Variants in GALNT13 observed in about 807,000 individuals in gnomAD.
The protein encoded by GALNT13 is UDP-GalNAc:polypeptide N-acetylgalactosaminyltransferase 13.
Under a neutral mutation model 64.2 loss-of-function variants are expected in GALNT13, and 28 were observed. The ratio of observed to expected loss-of-function variants is 0.44; its 90% CI spans 0.32 to 0.60. The LOEUF (loss-of-function observed/expected upper bound fraction) is 0.60, where lower values mean the gene tolerates loss of function less well. GALNT13 is among the 20% of genes least tolerant of loss of function. The pLI is 0.05. For missense variants in GALNT13, 577 were observed against 669.8 expected, an observed-to-expected ratio of 0.86 and a Z score of 1.53; for synonymous variants, 214 against 224.6, an observed-to-expected ratio of 0.95 and a Z score of 0.42.
chr2:153,478,529 C>T, the GALNT13 span: 1 of 1,605,312 alleles, frequency 6.2e-7, no homozygotes, highest in African/African-American at 1.3e-5. Flanking sequence ...AGGAACAGGC[C>T]CGCCACGTCC....
intron 4 of GALNT13, among the ~76,000 whole-genome samples, chr2:154,231,869 A>G (rs1046683233): frequency 6.6e-6 from 1 of 151,628 alleles, no homozygotes; most frequent in African/African-American, 2.4e-5. Context: ...CAAATAAGAA[A>G]ATTATGGCTA....
At chr2:154,123,993 A>C (rs1419050671) in intron 3 of GALNT13, among the ~76,000 whole-genome samples, 1 of 152,052 alleles carries the variant, frequency 6.6e-6, no homozygotes, top group African/African-American at 2.4e-5. Context: ...CAAACAAAAA[A>C]TATTTTTTAT....
chr2:154,123,158 G>A (rs914956131), intron 3 of GALNT13, among the ~76,000 whole-genome samples: 1 of 151,976 alleles, frequency 6.6e-6, no homozygotes, highest in Non-Finnish European at 1.5e-5. Flanking sequence ...TAGCAGACTT[G>A]TCCATAAGAA....
chr2:153,284,960 T>G, the GALNT13 span, among the ~76,000 whole-genome samples: 1 of 152,044 alleles, frequency 6.6e-6, no homozygotes. Flanking sequence ...CATATGTGCA[T>G]TCATGTACAT....
At chr2:153,089,882 C>T in the GALNT13 span, among the ~76,000 whole-genome samples, 1 of 152,004 alleles carries the variant, frequency 6.6e-6, no homozygotes, top group Non-Finnish European at 1.5e-5. Context: ...TTACCTTTCC[C>T]TGCTGTCTCC....
rs186662618 is a variant in GALNT13, at chr2:154,264,428, C to A, written c.975+5290C>A. ...CTGAGGTTAGGAGTTCAAGACCAGC[C>A]TAGCCAACATGGTGAAACTCTGTCC... On this transcript the variant is annotated intron_variant, in intron 8 of 12. Transcript: ENST00000392825. Among the ~76,000 whole-genome samples, 5 of 148,134 alleles carry A rather than the reference C, an allele frequency of 3.4e-5. No homozygotes were observed. In the East Asian group the frequency reaches 1.0e-3, roughly 30 times the overall value.
chr2:153,610,590 G>A, the GALNT13 span, among the ~76,000 whole-genome samples: 6 of 152,150 alleles, frequency 3.9e-5, no homozygotes, highest in South Asian at 1.2e-3. Flanking sequence ...CAGGAGAATC[G>A]CTTGAACCCA....
the GALNT13 span, among the ~76,000 whole-genome samples, chr2:153,123,252 C>T: frequency 1.3e-5 from 2 of 152,124 alleles, no homozygotes; most frequent in Non-Finnish European, 2.9e-5. Context: ...GATTTTTCCC[C>T]TAGAGCCCTC....
chr2:153,935,722 C>T (rs1690862386), intron 2 of GALNT13, among the ~76,000 whole-genome samples: 1 of 152,168 alleles, frequency 6.6e-6, no homozygotes, highest in African/African-American at 2.4e-5. Flanking sequence ...GCTGGATTGT[C>T]AGCCACAGAT....
At chr2:153,658,168 G>A in the GALNT13 span, among the ~76,000 whole-genome samples, 2 of 151,958 alleles carry the variant, frequency 1.3e-5, no homozygotes, top group South Asian at 2.1e-4. Flanking sequence ...TCCTATTATT[G>A]TACATAAACC....
the GALNT13 span, among the ~76,000 whole-genome samples, chr2:153,237,641 G>A: frequency 6.6e-6 from 1 of 151,930 alleles, no homozygotes; most frequent in Non-Finnish European, 1.5e-5. Flanking sequence ...CATCCATGTT[G>A]TTGCAAATGA....
chr2:153,274,772 C>T, the GALNT13 span, among the ~76,000 whole-genome samples: 1 of 152,184 alleles, frequency 6.6e-6, no homozygotes, highest in Non-Finnish European at 1.5e-5. Context: ...TAATAGATCA[C>T]CTACTTCCAG....
chr2:153,075,846 T>C, the GALNT13 span, among the ~76,000 whole-genome samples: 1 of 152,162 alleles, frequency 6.6e-6, no homozygotes, highest in Non-Finnish European at 1.5e-5. Context: ...TGGATTGCCC[T>C]TTACTTAGAT....
chr2:153,146,191 G>A, the GALNT13 span, among the ~76,000 whole-genome samples: 1 of 145,422 alleles, frequency 6.9e-6, no homozygotes, highest in African/African-American at 2.5e-5. Context: ...TTTTTCCAAT[G>A]ACCCTTCTTC....
the GALNT13 span, among the ~76,000 whole-genome samples, chr2:153,857,520 C>T: frequency 1.3e-5 from 2 of 152,142 alleles, no homozygotes; most frequent in East Asian, 3.9e-4. Context: ...AGGGCCAAAG[C>T]ATTCGTAAAA....
rs1701873440 is a variant in GALNT13, at chr2:154,451,621, T to C, written c.*1070T>C. ...CACATTCATTAAACTTTTGTTGTAA[T>C]TAAACTGCTATATATTGTTTGCCAT... On this transcript the variant is annotated 3_prime_UTR_variant, in exon 13 of 13. Transcript: ENST00000392825. 1 of 152,136 alleles carries C rather than the reference T, an allele frequency of 6.6e-6. No individual in the cohort carries two copies. The highest frequency in any genetic ancestry group is 2.4e-5 in the African/African-American group (1 of 41,448). The allele number at this position is 152,136 out of a possible 1,614,324, so 9.4% of individuals were successfully genotyped here. A position where few individuals can be genotyped will look rare whatever the true frequency, so the allele number is the denominator to read the frequency against.
chr2:153,998,586 C>T (rs900127783), intron 3 of GALNT13, among the ~76,000 whole-genome samples: 6 of 152,100 alleles, frequency 3.9e-5, no homozygotes, highest in African/African-American at 1.4e-4. Context: ...TTTACCCATT[C>T]TGTAGGTTGC....
At chr2:154,229,048 C>T (rs1688775567) in intron 4 of GALNT13, among the ~76,000 whole-genome samples, 1 of 151,888 alleles carries the variant, frequency 6.6e-6, no homozygotes, top group Admixed American at 6.6e-5. Flanking sequence ...CCGGGGCAAG[C>T]CTCTTGTCCT....
intron 3 of GALNT13, among the ~76,000 whole-genome samples, chr2:154,081,605 A>G (rs1274027516): frequency 6.6e-6 from 1 of 151,628 alleles, no homozygotes; most frequent in Non-Finnish European, 1.5e-5. Flanking sequence ...GTGCCCTGAA[A>G]ATACTTTCTA....
Sources: gnomAD v4.1 joint callset for allele counts (sites outside exome capture counted in the v4.1 genomes callset) on GRCh38, gnomAD v4.1.1 for gene constraint, MANE v1.5 for transcripts, NCBI Gene and HGNC (gene_info 2026-07-23, HGNC 2026-07-21) for gene names.